SLC35A3: variants seen among roughly 807,000 people sequenced by gnomAD.
The protein encoded by SLC35A3 is UDP-N-acetylglucosamine transporter.
A neutral mutation model predicts 39.0 loss-of-function variants in SLC35A3; 26 were observed. The observed-to-expected ratio is 0.67, with a 90% CI of 0.49 to 0.92. The LOEUF (loss-of-function observed/expected upper bound fraction) is 0.92. Ranked by LOEUF, SLC35A3 falls within the 40% of genes least tolerant of loss-of-function variation. The pLI is 0.00. For missense variants in SLC35A3, 299 were observed against 371.6 expected, an observed-to-expected ratio of 0.80 and a Z score of 1.61; for synonymous variants, 135 against 133.1, an observed-to-expected ratio of 1.01 and a Z score of -0.10.
Position 100,032,823 on chromosome 1 carries a change from G to T in SLC35A3, c.*10347G>T, listed in dbSNP as rs12136158. ...GCCTCCCAAAGTGCTGGGATTACAGGCATGAGCCACCGCGCCCGGCCACTC... is the reference window on the plus strand; with the variant it reads ...GCCTCCCAAAGTGCTGGGATTACAGTCATGAGCCACCGCGCCCGGCCACTC... On this transcript the variant is annotated 3_prime_UTR_variant, in exon 8 of 8. Coordinates refer to ENST00000533028, the MANE Select transcript of SLC35A3 (RefSeq NM_012243.3). The T allele has an allele frequency of 0.044, 6,723 of 152,362 alleles. 171 individuals carry two copies. The highest frequency in any genetic ancestry group is 0.06 in the African/African-American group (2,493 of 41,526). 9.4% of individuals were successfully genotyped at this position (152,362 alleles called of 1,614,324 possible).
chr1:100,022,355 C>T, intron 7 of SLC35A3, 31 bp from the exon 8 acceptor site: 1 of 1,184,164 alleles, frequency 8.4e-7, no homozygotes, highest in Non-Finnish European at 1.2e-6. Context: ...ATCTGATTTT[C>T]TCTTTTTTAT....
Position 100,029,855 on chromosome 1 carries a change from A to G in SLC35A3, c.*7379A>G, listed in dbSNP as rs148707097. 5.8e-4 allele frequency: 89 copies of G among 152,152 alleles called. No homozygotes were observed. The highest frequency in any genetic ancestry group is 2.1e-3 in the African/African-American group (86 of 41,506). The allele number at this position is 152,152 out of a possible 1,614,324, so 9.4% of individuals were successfully genotyped here. A position where few individuals can be genotyped will look rare whatever the true frequency, so the allele number is the denominator to read the frequency against. On this transcript the variant is annotated 3_prime_UTR_variant, in exon 8 of 8. Coordinates refer to ENST00000533028, the MANE Select transcript of SLC35A3 (RefSeq NM_012243.3). ...CAGATATTGTGTTAAGAACATATAT[A>G]TATATATAGAGAGAGAGAGAGCATA...
rs1031758442 is a variant in SLC35A3, at chr1:100,032,041, T to A, written c.*9565T>A. On this transcript the variant is annotated 3_prime_UTR_variant, in exon 8 of 8. Transcript: ENST00000533028. Reference sequence around the variant, plus strand: ...TTTGATTACCTTCAGGTTAAATGTATTGGGTAAAAATATTTCACAGATTTT... The same window carrying A: ...TTTGATTACCTTCAGGTTAAATGTAATGGGTAAAAATATTTCACAGATTTT... The A allele has an allele frequency of 2.0e-5, 3 of 152,210 alleles. No individual in the cohort carries two copies. The highest frequency in any genetic ancestry group is 4.4e-5 in the Non-Finnish European group (3 of 68,040). 9.4% of individuals were successfully genotyped at this position (152,210 alleles called of 1,614,324 possible).
chr1:100,026,518 AT>A lies in SLC35A3; in HGVS notation c.*4045del, dbSNP rs1359294144. The stretch of plus-strand genomic sequence containing the variant: ...AATTAGGATTTTTAAGAATAAATAC[AT>A]TTCTATTTTTTTGGTTGTTTCAACA... On this transcript the variant is annotated 3_prime_UTR_variant, in exon 8 of 8. Transcript: ENST00000533028. 1.3e-5 allele frequency: 2 copies of A among 152,166 alleles called. No homozygotes were observed. Among genetic ancestry groups the A allele is most frequent in the African/African-American group, 4.8e-5 (2 of 41,432 alleles). 9.4% of individuals were successfully genotyped at this position (152,166 alleles called of 1,614,324 possible).
chr1:99,999,874 G>C (rs947629828), intron 3 of SLC35A3, among the ~76,000 whole-genome samples: 1 of 151,578 alleles, frequency 6.6e-6, no homozygotes, highest in Admixed American at 6.6e-5. Context: ...TGTGTGCCTG[G>C]GTTGTTTCAC....
intron 1 of SLC35A3, among the ~76,000 whole-genome samples, chr1:99,974,062 A>G (rs1055238236): frequency 3.9e-5 from 6 of 151,948 alleles, no homozygotes; most frequent in African/African-American, 9.7e-5. Flanking sequence ...GTCATGTCAG[A>G]TAAAATGCTA....
intron 3 of SLC35A3, among the ~76,000 whole-genome samples, chr1:100,005,895 T>C (rs1205404384): frequency 6.6e-6 from 1 of 152,200 alleles, no homozygotes. Flanking sequence ...TTTGGAGGTG[T>C]CATATTTCCT....
intron 1 of SLC35A3, among the ~76,000 whole-genome samples, chr1:99,983,763 T>G (rs1657593763): frequency 6.6e-6 from 1 of 151,426 alleles, no homozygotes; most frequent in Non-Finnish European, 1.5e-5. Context: ...GTAGCTGGGA[T>G]TACAGGCGCC....
Position 100,022,889 on chromosome 1 carries a change from T to A in SLC35A3, c.*413T>A, listed in dbSNP as rs1276217840. Reference sequence around the variant, plus strand: ...AGATATATCAAATCACATGAAATATTTAAAGTTTGAAAATTATAATTACCT... The same window carrying A: ...AGATATATCAAATCACATGAAATATATAAAGTTTGAAAATTATAATTACCT... On this transcript the variant is annotated 3_prime_UTR_variant, in exon 8 of 8. Coordinates refer to ENST00000533028, the MANE Select transcript of SLC35A3 (RefSeq NM_012243.3). The A allele has an allele frequency of 6.5e-6, 1 of 153,064 alleles. No individual in the cohort carries two copies. The highest frequency in any genetic ancestry group is 2.4e-5 in the African/African-American group (1 of 41,480). 9.5% of individuals were successfully genotyped at this position (153,064 alleles called of 1,614,324 possible). A position where few individuals can be genotyped will look rare whatever the true frequency, so the allele number is the denominator to read the frequency against.
chr1:99,971,955 T>G (rs576131327), intron 1 of SLC35A3, among the ~76,000 whole-genome samples: 78 of 152,268 alleles, frequency 5.1e-4, no homozygotes, highest in African/African-American at 1.9e-3. Flanking sequence ...TGGAGTTCAA[T>G]GTTGCGATCT....
intron 6 of SLC35A3, 73 bp from the exon 7 acceptor site, chr1:100,017,609 T>A (rs1660246374): frequency 1.1e-6 from 1 of 927,706 alleles, no homozygotes; most frequent in Non-Finnish European, 1.6e-6. Flanking sequence ...CTTAAAGCTT[T>A]ATTAAATACT....
Position 100,011,464 on chromosome 1 carries a change from G to A in SLC35A3, c.565G>A (p.Ala189Thr), listed in dbSNP as rs1178772392. The change falls in exon 5 of 8, where the codon GCT (alanine) becomes ACT (threonine). Residue 189 changes from alanine (A) to threonine (T), a missense_variant. Coordinates refer to ENST00000533028, the MANE Select transcript of SLC35A3 (RefSeq NM_012243.3). Reference sequence around the variant, plus strand: ...CACAGCATGTTTTTCAAGTGGCTTTGCTGGGGTTTACTTTGAGAAAATCTT... The same window carrying A: ...CACAGCATGTTTTTCAAGTGGCTTTACTGGGGTTTACTTTGAGAAAATCTT... The part of the protein sequence containing the change: ...VLTACFSSGF[A>T]GVYFEKILKE... The A allele has an allele frequency of 6.3e-7, 1 of 1,579,478 alleles. No homozygotes were observed. The highest frequency in any genetic ancestry group is 8.7e-7 in the Non-Finnish European group (1 of 1,155,986).
intron 1 of SLC35A3, among the ~76,000 whole-genome samples, chr1:99,977,105 A>G (rs1657151233): frequency 6.6e-6 from 1 of 152,130 alleles, no homozygotes; most frequent in African/African-American, 2.4e-5. Flanking sequence ...TACAAAGAAA[A>G]CTATTTTAAG....
intron 1 of SLC35A3, among the ~76,000 whole-genome samples, chr1:99,988,749 C>T (rs902503616): frequency 1.3e-5 from 2 of 151,060 alleles, no homozygotes; most frequent in African/African-American, 4.9e-5. Flanking sequence ...CTCCTCTCTC[C>T]TCCCCTTCTC....
At chr1:99,971,126 T>A (rs75495497) in intron 1 of SLC35A3, among the ~76,000 whole-genome samples, 1,918 of 152,242 alleles carry the variant, frequency 0.013, 48 homozygotes, top group African/African-American at 0.043. Flanking sequence ...AAGCCAAAGA[T>A]CTTATGACTT....
chr1:100,021,078 G>A (rs952275249), intron 7 of SLC35A3, among the ~76,000 whole-genome samples: 4 of 152,134 alleles, frequency 2.6e-5, no homozygotes, highest in African/African-American at 9.7e-5. Flanking sequence ...CTCTATAATA[G>A]CATTTTAAAA....
chr1:99,982,915 G>A (rs761254914), intron 1 of SLC35A3, among the ~76,000 whole-genome samples: 1 of 152,080 alleles, frequency 6.6e-6, no homozygotes, highest in African/African-American at 2.4e-5. Context: ...CGATTAGGGT[G>A]ACAAACAAAA....
chr1:100,011,035 ATTCT>A (rs202074043), intron 4 of SLC35A3, among the ~76,000 whole-genome samples: 2,042 of 152,306 alleles, frequency 0.013, 18 homozygotes, highest in Middle Eastern at 0.058. Flanking sequence ...TGAGATTCTC[ATTCT>A]TTCTTCTACC....
rs1251478037 is a variant in SLC35A3 at position 100,010,564 on chromosome 1, GCA to G, written c.466-799_466-798del. Among the ~76,000 whole-genome samples, 7 of 152,190 alleles carry G rather than the reference GCA, an allele frequency of 4.6e-5. No individual in the cohort carries two copies. In the South Asian group the frequency reaches 8.3e-4, roughly 18 times the overall value. On this transcript the variant is annotated intron_variant, in intron 4 of 7. Transcript: ENST00000533028. Reference sequence around the variant, plus strand: ...AGAAATTAGCTGGGTGTGGTTGTGTGCACCTGTAGTCCCAGCTACTGGGGAGG... The same window carrying G: ...AGAAATTAGCTGGGTGTGGTTGTGTGCCTGTAGTCCCAGCTACTGGGGAGG...
Sources: gnomAD v4.1 joint callset for allele counts (sites outside exome capture counted in the v4.1 genomes callset) on GRCh38, gnomAD v4.1.1 for gene constraint, MANE v1.5 for transcripts, NCBI Gene and HGNC (gene_info 2026-07-23, HGNC 2026-07-21) for gene names.